The following ADCY5 variants were observed in gnomAD, a reference collection of about 807,000 sequenced individuals.
The protein encoded by ADCY5 is adenylate cyclase 5, also known as adenylate cyclase type 5.
ADCY5 carries 30 observed loss-of-function variants against 119.7 expected under a neutral mutation model. The ratio of observed to expected loss-of-function variants is 0.25; its 90% CI spans 0.19 to 0.34. The LOEUF (loss-of-function observed/expected upper bound fraction) is 0.34, where lower values mean the gene tolerates loss of function less well. ADCY5 is among the 10% of genes least tolerant of loss of function. The pLI, the probability that ADCY5 is intolerant of heterozygous loss-of-function variation, is 1.00. For synonymous variants in ADCY5, 753 were observed against 762.2 expected (o/e 0.99, Z 0.20); for missense variants, 1,324 against 1,775.2 (o/e 0.75, Z 4.57).
Position 123,447,909 on chromosome 3 carries a change from G to A in ADCY5, c.637C>T (p.Leu213=), listed in dbSNP as rs1428660516. The stretch of plus-strand genomic sequence containing the variant: ...AACTTCTTGGAGCGGAATATCTGCA[G>A]CAACGCCAGGCAGCAGGCGCCCAGG... ...LSLGACCLAL[L]QIFRSKKFPS... The change falls in exon 1 of 21, where the codon CTG becomes TTG. Residue 213 remains leucine, a synonymous_variant. Transcript: ENST00000462833. The A allele has an allele frequency of 1.2e-6, 2 of 1,609,286 alleles. No individual in the cohort carries two copies. The highest frequency in any genetic ancestry group is 1.1e-5 in the South Asian group (1 of 90,786).
chr3:123,336,352 G>A (rs1942024304), intron 3 of ADCY5, among the ~76,000 whole-genome samples: 2 of 152,248 alleles, frequency 1.3e-5, no homozygotes, highest in African/African-American at 4.8e-5. Flanking sequence ...TCAAAACCAA[G>A]GGAAGCTGGG....
intron 1 of ADCY5, among the ~76,000 whole-genome samples, chr3:123,382,169 TC>T (rs1171943128): frequency 6.6e-6 from 1 of 152,120 alleles, no homozygotes; most frequent in Non-Finnish European, 1.5e-5. Context: ...CAGATATCCA[TC>T]CCCAAGCAAA....
At chr3:123,296,344 C>T (rs1939509914) in intron 16 of ADCY5, 128 bp from the exon 17 acceptor site, 2 of 1,145,618 alleles carry the variant, frequency 1.7e-6, no homozygotes, top group East Asian at 2.6e-5. Flanking sequence ...TTCCTTATCC[C>T]CCTGCTCAAA....
chr3:123,327,124 A>G (rs1941529605), intron 7 of ADCY5, among the ~76,000 whole-genome samples: 1 of 152,216 alleles, frequency 6.6e-6, no homozygotes, highest in African/African-American at 2.4e-5. Flanking sequence ...TTAGCTTTAT[A>G]TTTCAGCAAG....
chr3:123,390,110 C>T (rs1029467659), intron 1 of ADCY5, among the ~76,000 whole-genome samples: 1 of 152,202 alleles, frequency 6.6e-6, no homozygotes, highest in African/African-American at 2.4e-5. Flanking sequence ...GTTTCAGTCT[C>T]AGGCCAGGAA....
chr3:123,284,282 C>T lies in ADCY5; in HGVS notation c.*326G>A, dbSNP rs1336854919. ...CAGCCCTGCCCTTGTCTGGGCCGTG[C>T]CACACACACATTCCCACGGCTCCTT... On this transcript the variant is annotated 3_prime_UTR_variant, in exon 21 of 21. Coordinates refer to ENST00000462833, the MANE Select transcript of ADCY5 (RefSeq NM_183357.3). The T allele has an allele frequency of 3.4e-6, 1 of 294,302 alleles. No individual in the cohort carries two copies. The highest frequency in any genetic ancestry group is 7.8e-5 in the East Asian group (1 of 12,764). The allele number at this position is 294,302 out of a possible 1,614,324, so 18.2% of individuals were successfully genotyped here.
At chr3:123,396,819 C>CAGGCAGGCGAGA in intron 1 of ADCY5, among the ~76,000 whole-genome samples, 1 of 62,370 alleles carries the variant, frequency 1.6e-5, no homozygotes, top group African/African-American at 5.8e-5. Flanking sequence ...GGCAGGCAGG[C>CAGGCAGGCGAGA]GAGAGAGAGA....
At chr3:123,289,491 C>G (rs1559777575) in intron 19 of ADCY5, among the ~76,000 whole-genome samples, 1 of 152,266 alleles carries the variant, frequency 6.6e-6, no homozygotes, top group Non-Finnish European at 1.5e-5. Context: ...GGGAACTCAC[C>G]AAGGGGTGTC....
At chr3:123,416,429 C>T in intron 1 of ADCY5, 1 of 1,226,538 alleles carries the variant, frequency 8.2e-7, no homozygotes, top group Non-Finnish European at 1.1e-6. Context: ...AAGGGCCTCC[C>T]TGTCTCTGAT....
At chr3:123,412,361 GA>G (rs1024390825) in intron 1 of ADCY5, among the ~76,000 whole-genome samples, 66 of 152,274 alleles carry the variant, frequency 4.3e-4, no homozygotes, top group African/African-American at 1.4e-3. Flanking sequence ...GACCCAATAG[GA>G]CGTCCCTGCG....
At chr3:123,416,061 G>C (rs1341200747) in intron 1 of ADCY5, 1 of 1,065,226 alleles carries the variant, frequency 9.4e-7, no homozygotes, top group African/African-American at 1.6e-5. Context: ...TTCCCACCTA[G>C]GGTCAGGGGT....
At chr3:123,372,984 C>T (rs770151571) in intron 1 of ADCY5, among the ~76,000 whole-genome samples, 6 of 152,114 alleles carry the variant, frequency 3.9e-5, no homozygotes, top group Admixed American at 1.3e-4. Flanking sequence ...AGGGATACTG[C>T]GAGAGGTGGC....
At chr3:123,445,946 T>C (rs148899517) in intron 1 of ADCY5, among the ~76,000 whole-genome samples, 1 of 152,346 alleles carries the variant, frequency 6.6e-6, no homozygotes, top group Non-Finnish European at 1.5e-5. Context: ...CCTCTGACTC[T>C]ATTGTTAATC....
rs372036878 is a variant in ADCY5, at chr3:123,445,374, C to A, written c.1134+2038G>T. ...AGGCTCAGCACCCCTTTCCTGGGAT[C>A]TGACTCCAACCCCCCTCAGGAGAAA... On this transcript the variant is annotated intron_variant, in intron 1 of 20. Transcript: ENST00000462833. Among the ~76,000 whole-genome samples, 5 of 133,404 alleles carry A rather than the reference C, an allele frequency of 3.7e-5. No homozygotes were observed. In the East Asian group the frequency reaches 6.6e-4, roughly 18 times the overall value. The allele number at this position is 133,404 out of a possible 152,430, so 87.5% of individuals were successfully genotyped here.
At chr3:123,396,405 GAGAA>G (rs1444925428) in intron 1 of ADCY5, among the ~76,000 whole-genome samples, 10 of 122,538 alleles carry the variant, frequency 8.2e-5, no homozygotes, top group Non-Finnish European at 1.2e-4. Context: ...GAAAAAGAAA[GAGAA>G]AGAGAGAGAG....
Position 123,357,846 on chromosome 3 carries a change from A to G in ADCY5, c.1135-5265T>C, listed in dbSNP as rs74970875. On this transcript the variant is annotated intron_variant, in intron 1 of 20. Coordinates refer to ENST00000462833, the MANE Select transcript of ADCY5 (RefSeq NM_183357.3). The stretch of plus-strand genomic sequence containing the variant: ...GGTAAAATCTGATGGAATTCTGCTT[A>G]CACACAGAGGGAGTCTGAAGTTTAA... 4.8e-3 allele frequency among the ~76,000 whole-genome samples: 732 copies of G among 152,308 alleles called. 2 individuals are homozygous for G. Among genetic ancestry groups the G allele is most frequent in the African/African-American group, 0.017 (709 of 41,562 alleles).
chr3:123,361,278 C>G (rs1488721335), intron 1 of ADCY5, among the ~76,000 whole-genome samples: 1 of 152,192 alleles, frequency 6.6e-6, no homozygotes, highest in Non-Finnish European at 1.5e-5. Flanking sequence ...ACCTGTCTCA[C>G]AAAGCCAAGT....
At chr3:123,309,829 G>A (rs1186831473) in intron 12 of ADCY5, among the ~76,000 whole-genome samples, 2 of 152,176 alleles carry the variant, frequency 1.3e-5, no homozygotes, top group East Asian at 3.9e-4. Flanking sequence ...TAGGAGGGGA[G>A]GGGTACTGGT....
chr3:123,362,050 T>C (rs1004334820), intron 1 of ADCY5, among the ~76,000 whole-genome samples: 1 of 152,236 alleles, frequency 6.6e-6, no homozygotes, highest in African/African-American at 2.4e-5. Context: ...CTACCATATA[T>C]TGTTTATCCA....
Sources: gnomAD v4.1 joint callset for allele counts (sites outside exome capture counted in the v4.1 genomes callset) on GRCh38, gnomAD v4.1.1 for gene constraint, MANE v1.5 for transcripts, NCBI Gene and HGNC (gene_info 2026-07-23, HGNC 2026-07-21) for gene names.